TMEM131L: variants seen among roughly 807,000 people sequenced by gnomAD.
TMEM131L encodes the protein transmembrane protein 131-like.
Under a neutral mutation model 192.2 loss-of-function variants are expected in TMEM131L, and 54 were observed. That is an observed-to-expected ratio of 0.28 (90% confidence interval 0.23 to 0.35). The LOEUF is 0.35. Among genes scored for constraint, TMEM131L ranks in the 10% least tolerant of loss-of-function variants. The probability of loss-of-function intolerance (pLI) is 1.00; values close to 1 mark genes in which losing one functional copy is unlikely to be tolerated. For missense variants in TMEM131L, 1,888 were observed against 1,972.9 expected, an observed-to-expected ratio of 0.96 and a Z score of 0.82; for synonymous variants, 701 against 704.9, an observed-to-expected ratio of 0.99 and a Z score of 0.09.
Position 153,466,498 on chromosome 4 carries a change from G to A in TMEM131L, c.101G>A (p.Arg34His). 7.1e-7 allele frequency: 1 copy of A among 1,405,602 alleles called. No individual in the cohort carries two copies. The allele number at this position is 1,405,602 out of a possible 1,614,324, so 87.1% of individuals were successfully genotyped here. A position where few individuals can be genotyped will look rare whatever the true frequency, so the allele number is the denominator to read the frequency against. The change falls in exon 1 of 35, where the codon CGC (arginine) becomes CAC (histidine). Residue 34 changes from arginine to histidine, a missense_variant. Transcript: ENST00000409959. ...GVFQVLLPCC[R>H]PGGAQGQAIE... ...TTCCAGGTCCTGCTGCCCTGCTGTC[G>A]CCCGGGAGGGGCTCAGGGACAAGGT... is the stretch of plus-strand genomic sequence containing the variant.
intron 3 of TMEM131L, among the ~76,000 whole-genome samples, chr4:153,496,507 C>T (rs1733182384): frequency 6.6e-6 from 1 of 152,180 alleles, no homozygotes; most frequent in African/African-American, 2.4e-5. Context: ...GTGTCATTGT[C>T]ATTCTCTTTG....
chr4:153,561,971 A>T (rs1190928540), intron 7 of TMEM131L, among the ~76,000 whole-genome samples: 1 of 151,838 alleles, frequency 6.6e-6, no homozygotes, highest in Non-Finnish European at 1.5e-5. Flanking sequence ...ATCAAAAAAA[A>T]AAAACCTCTT....
intron 3 of TMEM131L, among the ~76,000 whole-genome samples, chr4:153,481,296 AC>A (rs1367763421): frequency 3.9e-5 from 6 of 152,118 alleles, no homozygotes; most frequent in Non-Finnish European, 7.4e-5. Flanking sequence ...AGTCTCATGC[AC>A]CTGTCTCCCT....
Position 153,636,573 on chromosome 4 carries a change from G to T in TMEM131L, c.4830G>T (p.Val1610=). The part of the protein sequence containing the change: ...LSRDSSYCGN[V] ...GAGACTCGAGTTACTGTGGGAATGT[G>T]TGAAAATAATTGGATTTTTAAACAA... Residue 1610 remains valine (V), a synonymous_variant, in exon 35 of 35, where the codon GTG becomes GTT. Transcript: ENST00000409959. 1 of 1,608,852 alleles carries T rather than the reference G, an allele frequency of 6.2e-7. No individual in the cohort carries two copies. The highest frequency in any genetic ancestry group is 2.2e-5 in the East Asian group (1 of 44,752).
At chr4:153,574,020 A>T (rs530971533) in intron 7 of TMEM131L, among the ~76,000 whole-genome samples, 48 of 152,342 alleles carry the variant, frequency 3.2e-4, no homozygotes, top group Non-Finnish European at 5.1e-4. Context: ...CTGTGAATTC[A>T]ATAACTTGAT....
chr4:153,558,233 A>T lies in TMEM131L; in HGVS notation c.550-25A>T, dbSNP rs370353607. 29 of 1,252,266 alleles carry T rather than the reference A, an allele frequency of 2.3e-5. No individual in the cohort carries two copies. The African/African-American group carries it at 4.2e-4, about 18-fold the overall frequency. The allele number at this position is 1,252,266 out of a possible 1,614,324, so 77.6% of individuals were successfully genotyped here. ...TGTGTTTTAAAACTCTTAACAGAGGAGCAATTCTCTCTCTTTTTCCGCAGG... is the reference window on the plus strand; with the variant it reads ...TGTGTTTTAAAACTCTTAACAGAGGTGCAATTCTCTCTCTTTTTCCGCAGG... On this transcript the variant is annotated intron_variant, in intron 6 of 34. Transcript: ENST00000409959.
chr4:153,556,108 A>T lies in TMEM131L; in HGVS notation c.432+198A>T, dbSNP rs912677905. Among the ~76,000 whole-genome samples, 8 of 93,362 alleles carry T rather than the reference A, an allele frequency of 8.6e-5. No individual in the cohort carries two copies. In the Admixed American group the frequency reaches 8.6e-4, roughly 10 times the overall value. The allele number at this position is 93,362 out of a possible 152,430, so 61.2% of individuals were successfully genotyped here. A position where few individuals can be genotyped will look rare whatever the true frequency, so the allele number is the denominator to read the frequency against. ...ATAATTTTGGTGGCTCTTGATATCT[A>T]CTGGGGCCGGGGGGAGGTGGGGGGT... On this transcript the variant is annotated intron_variant, in intron 5 of 34. Transcript: ENST00000409959.
intron 7 of TMEM131L, among the ~76,000 whole-genome samples, chr4:153,572,459 T>C (rs1401636842): frequency 2.6e-5 from 4 of 152,122 alleles, no homozygotes; most frequent in Non-Finnish European, 4.4e-5. Context: ...GCCTCCCAAG[T>C]AGCTGGGATT....
At chr4:153,565,701 T>TA (rs1488703491) in intron 7 of TMEM131L, among the ~76,000 whole-genome samples, 3 of 151,642 alleles carry the variant, frequency 2.0e-5, no homozygotes, top group Non-Finnish European at 4.4e-5. Flanking sequence ...AGATGCAACT[T>TA]AAAGTCCCAA....
intron 3 of TMEM131L, among the ~76,000 whole-genome samples, chr4:153,497,432 C>A (rs532122347): frequency 3.3e-5 from 5 of 152,238 alleles, no homozygotes; most frequent in South Asian, 4.1e-4. Context: ...CATCCTGTTA[C>A]ACCTCGGTTT....
At chr4:153,593,980 T>C in intron 19 of TMEM131L, 109 bp downstream of exon 19, 2 of 725,576 alleles carry the variant, frequency 2.8e-6, no homozygotes, top group South Asian at 1.6e-5. Flanking sequence ...TATATATGGC[T>C]CTTTTATTTT....
chr4:153,589,150 T>C (rs1730901262), intron 16 of TMEM131L, 143 bp downstream of exon 16: 2 of 437,874 alleles, frequency 4.6e-6, no homozygotes, highest in Admixed American at 4.1e-5. Flanking sequence ...CTATATACTA[T>C]GCATGAATTT....
intron 7 of TMEM131L, among the ~76,000 whole-genome samples, chr4:153,576,121 G>A (rs888181023): frequency 7.9e-5 from 12 of 152,068 alleles, no homozygotes; most frequent in South Asian, 4.2e-4. Context: ...CACCATGCCC[G>A]GCTGATTTTT....
intron 25 of TMEM131L, among the ~76,000 whole-genome samples, chr4:153,604,947 A>G (rs187173727): frequency 5.0e-4 from 76 of 151,978 alleles, no homozygotes; most frequent in African/African-American, 1.8e-3. Context: ...CAAGTGATCC[A>G]CCCCTTTGGC....
chr4:153,482,556 T>C (rs1732022061), intron 3 of TMEM131L, among the ~76,000 whole-genome samples: 1 of 152,160 alleles, frequency 6.6e-6, no homozygotes, highest in South Asian at 2.1e-4. Context: ...AATACTAATT[T>C]TGGTTTTCAT....
intron 3 of TMEM131L, among the ~76,000 whole-genome samples, chr4:153,502,269 C>T (rs1733671948): frequency 6.6e-6 from 1 of 152,140 alleles, no homozygotes; most frequent in Non-Finnish European, 1.5e-5. Flanking sequence ...ATCTCATTTC[C>T]AGAACTTAGT....
At chr4:153,616,723 T>G (rs1280275282) in intron 26 of TMEM131L, among the ~76,000 whole-genome samples, 1 of 152,232 alleles carries the variant, frequency 6.6e-6, no homozygotes, top group Non-Finnish European at 1.5e-5. Flanking sequence ...TTTTAAAAAC[T>G]ATTATCTTAA....
intron 3 of TMEM131L, among the ~76,000 whole-genome samples, chr4:153,523,190 T>C (rs1735237609): frequency 6.6e-6 from 1 of 152,268 alleles, no homozygotes; most frequent in Non-Finnish European, 1.5e-5. Flanking sequence ...TATAGTTTCT[T>C]GTGACTATAA....
chr4:153,487,693 C>T (rs1037638655), intron 3 of TMEM131L, among the ~76,000 whole-genome samples: 46 of 142,106 alleles, frequency 3.2e-4, no homozygotes, highest in Non-Finnish European at 5.5e-4. Flanking sequence ...GCTGCACAGG[C>T]GTGTGTGTGT....
Sources: gnomAD v4.1 joint callset for allele counts (sites outside exome capture counted in the v4.1 genomes callset) on GRCh38, gnomAD v4.1.1 for gene constraint, MANE v1.5 for transcripts, NCBI Gene and HGNC (gene_info 2026-07-23, HGNC 2026-07-21) for gene names.